ZNF385D: variants seen among roughly 807,000 people sequenced by gnomAD.
ZNF385D encodes zinc finger protein 385D, also known as zinc finger protein 659.
A neutral mutation model predicts 35.8 loss-of-function variants in ZNF385D; 15 were observed. That is an observed-to-expected ratio of 0.42 (90% CI 0.28 to 0.64). ZNF385D has a LOEUF of 0.64. Ranked by LOEUF, ZNF385D falls within the 30% of genes least tolerant of loss-of-function variation. The pLI is 0.23. For missense variants in ZNF385D, 474 were observed against 494.6 expected (o/e 0.96, Z 0.39); for synonymous variants, 212 against 186.8 (o/e 1.13, Z -1.10).
chr3:22,033,701 C>A (rs898003232), intron 3 of ZNF385D, among the ~76,000 whole-genome samples: 5 of 151,944 alleles, frequency 3.3e-5, no homozygotes, highest in Non-Finnish European at 5.9e-5. Context: ...CTACTATATT[C>A]CTTGAACAAT....
chr3:22,210,837 T>A (rs1041120717), intron 2 of ZNF385D, among the ~76,000 whole-genome samples: 2 of 151,878 alleles, frequency 1.3e-5, no homozygotes, highest in Admixed American at 1.3e-4. Context: ...AAATATACTC[T>A]AAGTCAATGC....
At chr3:22,371,562 G>A (rs1441490301) in intron 2 of ZNF385D, among the ~76,000 whole-genome samples, 1 of 152,196 alleles carries the variant, frequency 6.6e-6, no homozygotes, top group Non-Finnish European at 1.5e-5. Flanking sequence ...AAGCCTGATT[G>A]TAAGGGGGAC....
chr3:22,102,152 G>A (rs528936875), intron 3 of ZNF385D, among the ~76,000 whole-genome samples: 3 of 152,064 alleles, frequency 2.0e-5, no homozygotes, highest in South Asian at 4.2e-4. Context: ...AGATGAATGT[G>A]TTCTTTTCCC....
At chr3:21,651,930 G>T (rs1445167577) in intron 2 of ZNF385D, among the ~76,000 whole-genome samples, 5 of 152,148 alleles carry the variant, frequency 3.3e-5, no homozygotes, top group Admixed American at 3.3e-4. Flanking sequence ...AGTGCTAGGA[G>T]GGTAATGTTA....
chr3:22,136,255 G>T (rs959358472), intron 3 of ZNF385D, among the ~76,000 whole-genome samples: 2 of 152,166 alleles, frequency 1.3e-5, no homozygotes, highest in Admixed American at 1.3e-4. Flanking sequence ...GGGCATCATG[G>T]CATAGGCCTG....
intron 1 of ZNF385D, among the ~76,000 whole-genome samples, chr3:21,690,281 A>G (rs2067239940): frequency 6.6e-6 from 1 of 152,208 alleles, no homozygotes; most frequent in Non-Finnish European, 1.5e-5. Flanking sequence ...ACATCCATAT[A>G]ACGAAAATTC....
chr3:21,898,266 A>C (rs1699234906), intron 3 of ZNF385D, among the ~76,000 whole-genome samples: 1 of 152,182 alleles, frequency 6.6e-6, no homozygotes, highest in South Asian at 2.1e-4. Flanking sequence ...ACACCTGGGC[A>C]CATATTCGCT....
chr3:22,088,441 T>C (rs1423280413), intron 3 of ZNF385D, among the ~76,000 whole-genome samples: 1 of 152,148 alleles, frequency 6.6e-6, no homozygotes, highest in Admixed American at 6.6e-5. Context: ...CTGGCTTCAG[T>C]CTGGCACCAT....
rs11914536 is a variant in ZNF385D at position 22,227,432 on chromosome 3, A to G, written c.107-58397T>C. On this transcript the variant is annotated intron_variant, in intron 2 of 5. Coordinates refer to the ZNF385D transcript ENST00000494108. Reference sequence around the variant, plus strand: ...CTATGGAGGAAGGAATGCTTCCCAGAAAGACCAAGAAGAATCTGAACAGAC... The same window carrying G: ...CTATGGAGGAAGGAATGCTTCCCAGGAAGACCAAGAAGAATCTGAACAGAC... 5.2e-3 allele frequency among the ~76,000 whole-genome samples: 785 copies of G among 152,320 alleles called. 9 individuals carry two copies. The highest frequency in any genetic ancestry group is 0.018 in the African/African-American group (744 of 41,574).
chr3:22,359,039 C>T (rs573956106), intron 2 of ZNF385D, among the ~76,000 whole-genome samples: 15 of 139,954 alleles, frequency 1.1e-4, no homozygotes, highest in African/African-American at 3.0e-4. Flanking sequence ...CTTGACTACC[C>T]GTATTAAAAC....
intron 3 of ZNF385D, among the ~76,000 whole-genome samples, chr3:21,832,454 AG>A (rs1476951353): frequency 6.6e-6 from 1 of 152,198 alleles, no homozygotes; most frequent in Non-Finnish European, 1.5e-5. Flanking sequence ...TCTAGCTAAT[AG>A]GGTGTCATAC....
intron 2 of ZNF385D, among the ~76,000 whole-genome samples, chr3:22,306,014 T>G (rs1703190320): frequency 1.3e-5 from 2 of 152,292 alleles, no homozygotes; most frequent in Admixed American, 6.5e-5. Flanking sequence ...TGTTTCTCCT[T>G]GGAGGGCAAA....
chr3:21,869,661 G>A (rs962164855), intron 3 of ZNF385D, among the ~76,000 whole-genome samples: 13 of 152,094 alleles, frequency 8.5e-5, no homozygotes, highest in Non-Finnish European at 1.3e-4. Flanking sequence ...AAAAAATAGC[G>A]TAACACAGTT....
intron 2 of ZNF385D, among the ~76,000 whole-genome samples, chr3:22,337,278 TC>T (rs1559527724): frequency 6.6e-6 from 1 of 152,080 alleles, no homozygotes; most frequent in African/African-American, 2.4e-5. Context: ...ACGTCTGTAA[TC>T]CCCAGATTTT....
intron 4 of ZNF385D, among the ~76,000 whole-genome samples, chr3:21,486,313 A>T (rs1705025838): frequency 6.7e-6 from 1 of 148,166 alleles, no homozygotes; most frequent in Admixed American, 6.9e-5. Flanking sequence ...ATAACTACAT[A>T]TGAAGAAAAG....
chr3:21,675,237 T>G (rs2066689255), intron 1 of ZNF385D, among the ~76,000 whole-genome samples: 1 of 152,078 alleles, frequency 6.6e-6, no homozygotes, highest in Non-Finnish European at 1.5e-5. Flanking sequence ...GTCCTAGGCT[T>G]TTTATTTTAT....
intron 2 of ZNF385D, among the ~76,000 whole-genome samples, chr3:22,312,888 C>G (rs13077345): frequency 1.7e-5 from 2 of 118,270 alleles, no homozygotes; most frequent in Non-Finnish European, 3.4e-5. Flanking sequence ...TTGACCCAGC[C>G]ATCCCATTAC....
intron 2 of ZNF385D, among the ~76,000 whole-genome samples, chr3:22,212,516 C>A (rs1410277822): frequency 6.6e-6 from 1 of 151,976 alleles, no homozygotes; most frequent in Non-Finnish European, 1.5e-5. Flanking sequence ...TTAAGAGATT[C>A]TCTTCTCTTG....
chr3:22,139,007 G>A (rs2125699874), intron 3 of ZNF385D, among the ~76,000 whole-genome samples: 1 of 152,276 alleles, frequency 6.6e-6, no homozygotes, highest in Middle Eastern at 3.4e-3. Context: ...AGTGGGCAAA[G>A]GATATGAACA....
Sources: gnomAD v4.1 joint callset for allele counts (sites outside exome capture counted in the v4.1 genomes callset) on GRCh38, gnomAD v4.1.1 for gene constraint, MANE v1.5 for transcripts, NCBI Gene and HGNC (gene_info 2026-07-23, HGNC 2026-07-21) for gene names.